KATNAL2: variants seen among roughly 807,000 people sequenced by gnomAD.
KATNAL2 encodes the protein katanin catalytic subunit A1 like 2, also known as katanin p60 ATPase-containing subunit A-like 2.
Under a neutral mutation model 76.3 loss-of-function variants are expected in KATNAL2, and 52 were observed. The ratio of observed to expected loss-of-function variants is 0.68; its 90% CI spans 0.55 to 0.86. The LOEUF is 0.86. Among genes scored for constraint, KATNAL2 ranks in the 40% least tolerant of loss-of-function variants. The pLI, the probability that KATNAL2 is intolerant of heterozygous loss-of-function variation, is 0.00. For missense variants in KATNAL2, 660 were observed against 668.9 expected (o/e 0.99, Z 0.15); for synonymous variants, 243 against 244.2 (o/e 1.00, Z 0.05).
chr18:46,943,943 C>T (rs2059315703), intron 1 of KATNAL2, among the ~76,000 whole-genome samples: 2 of 152,230 alleles, frequency 1.3e-5, no homozygotes, highest in Admixed American at 6.5e-5. Flanking sequence ...GATTGTAGGG[C>T]TCACCTTAAT....
intron 1 of KATNAL2, among the ~76,000 whole-genome samples, chr18:46,927,937 A>G (rs912950756): frequency 6.6e-6 from 1 of 152,088 alleles, no homozygotes; most frequent in Non-Finnish European, 1.5e-5. Context: ...CAGCTCCATC[A>G]GGTCCTTTAA....
intron 1 of KATNAL2, among the ~76,000 whole-genome samples, chr18:46,929,009 G>A (rs892163113): frequency 1.3e-5 from 2 of 152,038 alleles, no homozygotes; most frequent in African/African-American, 2.4e-5. Flanking sequence ...ATTTGGGCAG[G>A]CTGGTCTCGA....
At chr18:46,933,018 C>T (rs1443375126) in intron 1 of KATNAL2, among the ~76,000 whole-genome samples, 1 of 152,108 alleles carries the variant, frequency 6.6e-6, no homozygotes, top group Non-Finnish European at 1.5e-5. Context: ...CCTCCTCGGC[C>T]TCCAAAAGTG....
At chr18:47,034,512 C>A in intron 3 of KATNAL2, 1 of 1,614,224 alleles carries the variant, frequency 6.2e-7, no homozygotes, top group African/African-American at 1.3e-5. Context: ...CGCATGATTT[C>A]TCCCTGATCA....
intron 3 of KATNAL2, among the ~76,000 whole-genome samples, chr18:47,031,993 A>G (rs2060484864): frequency 6.6e-6 from 1 of 152,238 alleles, no homozygotes; most frequent in South Asian, 2.1e-4. Flanking sequence ...GAAAGCTAGC[A>G]GACGTCCGTG....
intron 3 of KATNAL2, chr18:47,034,326 C>A: frequency 6.2e-7 from 1 of 1,612,686 alleles, no homozygotes; most frequent in South Asian, 1.1e-5. Context: ...TCTTCTTGTT[C>A]GAGTGACTGT....
intron 13 of KATNAL2, 92 bp from the exon 14 acceptor site, chr18:47,075,182 CTTA>C: frequency 1.1e-6 from 1 of 911,742 alleles, no homozygotes; most frequent in Non-Finnish European, 1.6e-6. Context: ...AGCATAAATG[CTTA>C]TTATTACAGT....
chr18:46,927,980 A>G (rs553040828), intron 1 of KATNAL2, among the ~76,000 whole-genome samples: 2 of 152,074 alleles, frequency 1.3e-5, no homozygotes, highest in Admixed American at 6.5e-5. Context: ...CTAGTTATCC[A>G]TTCGTCTAAT....
intron 3 of KATNAL2, among the ~76,000 whole-genome samples, chr18:46,950,113 C>A (rs561130622): frequency 5.7e-4 from 87 of 152,304 alleles, no homozygotes; most frequent in African/African-American, 2.0e-3. Context: ...AACTCCATAG[C>A]ATTTATGCCA....
intron 10 of KATNAL2, among the ~76,000 whole-genome samples, chr18:47,064,004 G>A: frequency 6.6e-6 from 1 of 152,138 alleles, no homozygotes; most frequent in East Asian, 1.9e-4. Flanking sequence ...TTTAATTGAA[G>A]ACTGAAACCT....
intron 3 of KATNAL2, among the ~76,000 whole-genome samples, chr18:47,042,584 CAG>C (rs1426627485): frequency 1.3e-5 from 2 of 151,848 alleles, no homozygotes; most frequent in Non-Finnish European, 2.9e-5. Context: ...AAGAAAGAAT[CAG>C]AGAATAAGAA....
At chr18:47,050,446 T>C (rs959817303) in intron 4 of KATNAL2, among the ~76,000 whole-genome samples, 1 of 152,230 alleles carries the variant, frequency 6.6e-6, no homozygotes, top group African/African-American at 2.4e-5. Flanking sequence ...TTACAATGTA[T>C]TTTTTGTTCC....
At chr18:47,032,419 G>A (rs1293591146) in intron 3 of KATNAL2, among the ~76,000 whole-genome samples, 2 of 152,110 alleles carry the variant, frequency 1.3e-5, no homozygotes, top group Admixed American at 1.3e-4. Context: ...GGCTAGTTTT[G>A]ATATCTTTTG....
At position 47,063,372 on chromosome 18, in the gene KATNAL2, A is replaced by T. The variant is rs865973255; in HGVS notation, c.726+11A>T. On this transcript the variant is annotated intron_variant, in intron 10 of 17. Transcript: ENST00000683218. ...GCCGTGGTGAGCCGGGTAAGATCTG[A>T]TATTCAATTCACAAATTTATGGAGG... 1 of 1,610,564 alleles carries T rather than the reference A, an allele frequency of 6.2e-7. No homozygotes were observed. Among genetic ancestry groups the T allele is most frequent in the East Asian group, 2.2e-5 (1 of 44,868 alleles).
At chr18:46,931,140 A>AATAATAAT (rs145690867) in intron 1 of KATNAL2, among the ~76,000 whole-genome samples, 1 of 29,012 alleles carries the variant, frequency 3.4e-5, no homozygotes, top group African/African-American at 8.2e-5. Flanking sequence ...TAATAATAAT[A>AATAATAAT]AATAAATAAA....
At chr18:46,955,140 C>CTCTCTCTCTCTTTCTT (rs1555834717) in intron 3 of KATNAL2, among the ~76,000 whole-genome samples, 4 of 85,074 alleles carry the variant, frequency 4.7e-5, no homozygotes, top group African/African-American at 1.4e-4. Context: ...CTTTCTCTCT[C>CTCTCTCTCTCTTTCTT]TCTTTCTTTC....
At chr18:47,081,281 A>C (rs2062507753) in intron 15 of KATNAL2, among the ~76,000 whole-genome samples, 1 of 152,206 alleles carries the variant, frequency 6.6e-6, no homozygotes, top group Non-Finnish European at 1.5e-5. Flanking sequence ...TAATAGAAAT[A>C]TAATAGAAAT....
chr18:47,095,474 A>T (rs1232136354), intron 15 of KATNAL2, among the ~76,000 whole-genome samples: 1 of 152,144 alleles, frequency 6.6e-6, no homozygotes, highest in Non-Finnish European at 1.5e-5. Context: ...CCTGTAAAGA[A>T]GATGCCTGCC....
chr18:46,918,982 T>C (rs969153700), intron 1 of KATNAL2, among the ~76,000 whole-genome samples: 1 of 147,208 alleles, frequency 6.8e-6, no homozygotes, highest in Non-Finnish European at 1.5e-5. Context: ...ATTTGATATA[T>C]ATGTGTGTGC....
Sources: allele counts gnomAD v4.1 joint callset (sites outside exome capture counted in the v4.1 genomes callset), GRCh38; gene constraint gnomAD v4.1.1; transcripts MANE v1.5; gene names NCBI Gene and HGNC (gene_info 2026-07-23, HGNC 2026-07-21).